The following TMEM132B variants were observed in gnomAD, a reference collection of about 807,000 sequenced individuals.
TMEM132B encodes the protein transmembrane protein 132B.
In TMEM132B, 18 loss-of-function variants were observed where a neutral mutation model predicts 90.8. The ratio of observed to expected loss-of-function variants is 0.20; its 90% CI spans 0.14 to 0.29. The LOEUF (loss-of-function observed/expected upper bound fraction) is 0.29. Ranked by LOEUF, TMEM132B falls within the 10% of genes least tolerant of loss-of-function variation. The pLI, the probability that TMEM132B is intolerant of heterozygous loss-of-function variation, is 1.00. For synonymous variants in TMEM132B, 504 were observed against 523.3 expected (o/e 0.96, Z 0.50); for missense variants, 1,096 against 1,326.8 (o/e 0.83, Z 2.70).
intron 1 of TMEM132B, among the ~76,000 whole-genome samples, chr12:125,247,700 A>G (rs11610234): frequency 0.28 from 43,279 of 151,902 alleles, 6,620 homozygotes; most frequent in Middle Eastern, 0.37. Flanking sequence ...ATTAGAGAAC[A>G]GCATCCCCCT....
At chr12:125,238,817 G>A (rs905138983) in intron 1 of TMEM132B, among the ~76,000 whole-genome samples, 14 of 152,170 alleles carry the variant, frequency 9.2e-5, no homozygotes, top group African/African-American at 2.4e-5. Flanking sequence ...AAGGGAATCA[G>A]GGTATTGTTA....
intron 3 of TMEM132B, among the ~76,000 whole-genome samples, chr12:125,494,517 C>T (rs1882471902): frequency 1.4e-5 from 2 of 139,726 alleles, no homozygotes; most frequent in African/African-American, 2.7e-5. Context: ...GTCCCTGCTC[C>T]CCCTCCTCCC....
intron 1 of TMEM132B, among the ~76,000 whole-genome samples, chr12:125,293,666 T>C (rs908589452): frequency 2.4e-4 from 36 of 152,270 alleles, no homozygotes; most frequent in African/African-American, 8.0e-4. Flanking sequence ...CCATGGTGTA[T>C]ATGCGTCATG....
intron 5 of TMEM132B, among the ~76,000 whole-genome samples, chr12:125,637,945 C>T (rs1369023424): frequency 6.6e-6 from 1 of 152,202 alleles, no homozygotes; most frequent in Non-Finnish European, 1.5e-5. Flanking sequence ...TGGGTGGACA[C>T]TGCCAAACTC....
At chr12:125,357,649 G>A (rs1156986901) in intron 2 of TMEM132B, among the ~76,000 whole-genome samples, 2 of 152,212 alleles carry the variant, frequency 1.3e-5, no homozygotes, top group African/African-American at 4.8e-5. Context: ...GGGGACCTGT[G>A]GCCTGGTCTC....
At chr12:125,203,818 C>A (rs1873121445) in intron 1 of TMEM132B, among the ~76,000 whole-genome samples, 1 of 152,104 alleles carries the variant, frequency 6.6e-6, no homozygotes, top group African/African-American at 2.4e-5. Context: ...AGGGCAAAAC[C>A]CTGGTGCATG....
rs566967017 is a variant in TMEM132B, at chr12:125,515,438, C to T, written c.1107-4001C>T. ...ATTTGCTCACACACTCTCACACATA[C>T]ACACATTCACACATTCCCTCACAGA... On this transcript the variant is annotated intron_variant, in intron 3 of 8. Transcript: ENST00000682704. 2.6e-5 allele frequency among the ~76,000 whole-genome samples: 4 copies of T among 151,522 alleles called. No homozygotes were observed. The South Asian group carries it at 6.3e-4, about 24-fold the overall frequency.
chr12:125,196,656 C>T (rs1872932773), intron 1 of TMEM132B, among the ~76,000 whole-genome samples: 1 of 152,168 alleles, frequency 6.6e-6, no homozygotes, highest in African/African-American at 2.4e-5. Context: ...TGCAGTGAGC[C>T]GAGATCATGC....
intron 1 of TMEM132B, among the ~76,000 whole-genome samples, chr12:125,281,896 C>T (rs1352114025): frequency 6.6e-6 from 1 of 151,654 alleles, no homozygotes; most frequent in Non-Finnish European, 1.5e-5. Context: ...GGCGAGGTGG[C>T]AGGCGCCTGT....
intron 1 of TMEM132B, among the ~76,000 whole-genome samples, chr12:125,197,956 A>G (rs370328963): frequency 6.6e-6 from 1 of 152,176 alleles, no homozygotes; most frequent in Non-Finnish European, 1.5e-5. Flanking sequence ...TGTGTGTGAG[A>G]TATTTTTTAC....
At chr12:125,390,608 T>C (rs1446534586) in intron 2 of TMEM132B, among the ~76,000 whole-genome samples, 1 of 152,212 alleles carries the variant, frequency 6.6e-6, no homozygotes, top group Non-Finnish European at 1.5e-5. Context: ...TGTAAAAGCA[T>C]TGCATCTTTC....
At chr12:125,626,038 A>G (rs1026984113) in intron 5 of TMEM132B, among the ~76,000 whole-genome samples, 3 of 152,236 alleles carry the variant, frequency 2.0e-5, no homozygotes, top group African/African-American at 7.2e-5. Flanking sequence ...TGTTACTAAT[A>G]TTAACACACA....
At chr12:125,566,291 C>T (rs946426021) in intron 4 of TMEM132B, among the ~76,000 whole-genome samples, 4 of 152,096 alleles carry the variant, frequency 2.6e-5, no homozygotes, top group South Asian at 2.1e-4. Flanking sequence ...GGTATAGTCC[C>T]GGACAATTGG....
At chr12:125,205,129 A>G (rs1408594816) in intron 1 of TMEM132B, among the ~76,000 whole-genome samples, 1 of 129,656 alleles carries the variant, frequency 7.7e-6, no homozygotes, top group African/African-American at 2.9e-5. Flanking sequence ...TTAGCTCTTT[A>G]TGTGGAGTAT....
intron 4 of TMEM132B, among the ~76,000 whole-genome samples, chr12:125,554,298 G>T (rs903689141): frequency 6.6e-6 from 1 of 151,366 alleles, no homozygotes; most frequent in Non-Finnish European, 1.5e-5. Flanking sequence ...GGTGGTGGGC[G>T]CCTGTAGTCC....
chr12:125,501,570 C>T (rs1882696872), intron 3 of TMEM132B, among the ~76,000 whole-genome samples: 1 of 152,142 alleles, frequency 6.6e-6, no homozygotes. Flanking sequence ...TGTTGTTCCC[C>T]TCCCTGTGCC....
intron 3 of TMEM132B, among the ~76,000 whole-genome samples, chr12:125,494,619 C>T (rs1251860250): frequency 8.3e-5 from 11 of 131,912 alleles, no homozygotes; most frequent in South Asian, 5.4e-4. Context: ...CGCGTCCCTC[C>T]TCCCCCTCCT....
chr12:125,355,384 G>C (rs1203912823), intron 2 of TMEM132B, among the ~76,000 whole-genome samples: 1 of 152,114 alleles, frequency 6.6e-6, no homozygotes, highest in East Asian at 1.9e-4. Context: ...GCTAGAAGCA[G>C]ACATTTTATG....
chr12:125,564,534 C>T (rs189992498), intron 4 of TMEM132B, among the ~76,000 whole-genome samples: 36 of 152,238 alleles, frequency 2.4e-4, no homozygotes, highest in East Asian at 7.7e-4. Flanking sequence ...ACAGATTGTT[C>T]GTGAAAGCTT....
Sources: allele counts gnomAD v4.1 joint callset (sites outside exome capture counted in the v4.1 genomes callset), GRCh38; gene constraint gnomAD v4.1.1; transcripts MANE v1.5; gene names NCBI Gene and HGNC (gene_info 2026-07-23, HGNC 2026-07-21).